ADHFE1: variants seen among roughly 807,000 people sequenced by gnomAD.
The protein encoded by ADHFE1 is hydroxyacid-oxoacid transhydrogenase, mitochondrial.
Under a neutral mutation model 54.8 loss-of-function variants are expected in ADHFE1, and 37 were observed. The ratio of observed to expected loss-of-function variants is 0.68; its 90% confidence interval spans 0.52 to 0.89. The LOEUF (loss-of-function observed/expected upper bound fraction) is 0.89, where lower values mean the gene tolerates loss of function less well. Among genes scored for constraint, ADHFE1 ranks in the 40% least tolerant of loss-of-function variants. The pLI is 0.00. For synonymous variants in ADHFE1, 203 were observed against 229.3 expected, an observed-to-expected ratio of 0.89 and a Z score of 1.04; for missense variants, 601 against 591.2, an observed-to-expected ratio of 1.02 and a Z score of -0.17.
At chr8:66,452,192 T>A in intron 9 of ADHFE1, 87 bp downstream of exon 9, 1 of 1,516,246 alleles carries the variant, frequency 6.6e-7, no homozygotes, top group Non-Finnish European at 8.9e-7. Context: ...GCCTGAAATA[T>A]CCTGAGCAGG....
At chr8:66,459,430 A>ATATAT (rs1191407388) in intron 12 of ADHFE1, 33 of 126,768 alleles carry the variant, frequency 2.6e-4, no homozygotes, top group African/African-American at 8.9e-4. Context: ...ATATATATAT[A>ATATAT]TTTTTTTTTT....
In ADHFE1 at chr8:66,451,976, C is replaced by T; in HGVS notation, c.758C>T (p.Thr253Ile). The T allele has an allele frequency of 6.2e-7, 1 of 1,614,156 alleles. No individual in the cohort carries two copies. The highest frequency in any genetic ancestry group is 8.5e-7 in the Non-Finnish European group (1 of 1,180,028). Residue 253 changes from threonine (T) to isoleucine (I), a missense_variant, in exon 9 of 14, where the codon ACC becomes ATC. Thr to Ile is a moderately conservative substitution (Grantham distance 89, BLOSUM62 -1). Coordinates refer to ENST00000396623, the MANE Select transcript of ADHFE1 (RefSeq NM_144650.3). Reference sequence around the variant, plus strand: ...AGCCATGCCCTGGAGTCATACACCACCCTGCCCTACCACCTGCGGAGCCCC... The same window carrying T: ...AGCCATGCCCTGGAGTCATACACCATCCTGCCCTACCACCTGCGGAGCCCC... ...VLCHALESYT[T>I]LPYHLRSPCP...
chr8:66,435,816 C>T (rs1292651590), intron 1 of ADHFE1, among the ~76,000 whole-genome samples: 3 of 151,682 alleles, frequency 2.0e-5, no homozygotes, highest in Admixed American at 2.0e-4. Flanking sequence ...ACTATGTTGC[C>T]CCAGCTGTTC....
intron 10 of ADHFE1, among the ~76,000 whole-genome samples, chr8:66,454,877 C>A (rs1490725100): frequency 6.6e-6 from 1 of 152,034 alleles, no homozygotes; most frequent in Non-Finnish European, 1.5e-5. Context: ...CCATGCCCAG[C>A]TAATTTTTTT....
Position 66,445,322 on chromosome 8 carries a change from C to T in ADHFE1, c.458C>T (p.Ala153Val), listed in dbSNP as rs761291755. ...ACCTGTAAGGCTGCTAATCTGTATG[C>T]ATCCAGCCCTCATTCTGATTTCCTA... ...MDTCKAANLY[A>V]SSPHSDFLDY... The change falls in exon 6 of 14, where the codon GCA (alanine) becomes GTA (valine). Residue 153 changes from alanine (A) to valine (V), a missense_variant. Transcript: ENST00000396623. 2.5e-6 allele frequency: 4 copies of T among 1,613,960 alleles called. No individual in the cohort carries two copies. The highest frequency in any genetic ancestry group is 2.7e-5 in the African/African-American group (2 of 74,904).
At chr8:66,453,738 A>G (rs1806427264) in intron 9 of ADHFE1, 2 of 1,379,782 alleles carry the variant, frequency 1.4e-6, no homozygotes, top group Non-Finnish European at 1.9e-6. Context: ...CAAATGAAGA[A>G]GAAGAATGAG....
chr8:66,455,768 C>G (rs558062787), intron 10 of ADHFE1, among the ~76,000 whole-genome samples: 1 of 152,138 alleles, frequency 6.6e-6, no homozygotes, highest in African/African-American at 2.4e-5. Context: ...AAAGAAAATA[C>G]AAAAATTAGC....
intron 8 of ADHFE1, among the ~76,000 whole-genome samples, chr8:66,450,431 T>A (rs958936441): frequency 2.0e-5 from 3 of 152,220 alleles, no homozygotes; most frequent in African/African-American, 7.2e-5. Flanking sequence ...CTGAGGAATC[T>A]GCCCATAAGG....
At chr8:66,442,901 G>T (rs1250269950) in intron 3 of ADHFE1, 57 bp downstream of exon 3, 6 of 1,336,358 alleles carry the variant, frequency 4.5e-6, no homozygotes, top group Admixed American at 2.4e-5. Flanking sequence ...AATAAAACTA[G>T]AATATTTTGC....
chr8:66,451,241 C>T (rs985257537), intron 8 of ADHFE1, among the ~76,000 whole-genome samples: 5 of 152,098 alleles, frequency 3.3e-5, no homozygotes, highest in Non-Finnish European at 5.9e-5. Context: ...TCTGAGTTTA[C>T]GGTACATAAG....
At chr8:66,435,960 G>C (rs1427495401) in intron 1 of ADHFE1, among the ~76,000 whole-genome samples, 1 of 147,336 alleles carries the variant, frequency 6.8e-6, no homozygotes, top group Non-Finnish European at 1.5e-5. Flanking sequence ...CTGTCGCCCA[G>C]GCTGGAGTAC....
At chr8:66,455,387 T>C (rs1021336479) in intron 10 of ADHFE1, among the ~76,000 whole-genome samples, 2 of 152,214 alleles carry the variant, frequency 1.3e-5, no homozygotes, top group Non-Finnish European at 2.9e-5. Flanking sequence ...ATTAATCTCT[T>C]TGATTGAAAC....
chr8:66,446,213 T>C (rs1048019476), intron 6 of ADHFE1, among the ~76,000 whole-genome samples: 1 of 152,146 alleles, frequency 6.6e-6, no homozygotes, highest in East Asian at 1.9e-4. Context: ...AGCAGCATAA[T>C]TGGTGTCTGG....
chr8:66,452,646 C>G (rs1806360766), intron 9 of ADHFE1, among the ~76,000 whole-genome samples: 1 of 151,980 alleles, frequency 6.6e-6, no homozygotes, highest in Non-Finnish European at 1.5e-5. Context: ...AGAGCAAGAC[C>G]CTGTCTCAAT....
chr8:66,432,717 C>A (rs1000355968), intron 1 of ADHFE1, 142 bp downstream of exon 1: 1 of 1,232,538 alleles, frequency 8.1e-7, no homozygotes, highest in African/African-American at 1.6e-5. Context: ...GGGCTCCCAC[C>A]GCGCGCCAGG....
chr8:66,440,455 G>A (rs913486945), intron 2 of ADHFE1, among the ~76,000 whole-genome samples: 2 of 151,974 alleles, frequency 1.3e-5, no homozygotes, highest in Middle Eastern at 3.2e-3. Flanking sequence ...TTAATTACTT[G>A]CCAAGTCTAA....
intron 1 of ADHFE1, among the ~76,000 whole-genome samples, chr8:66,437,127 A>G (rs539600823): frequency 5.9e-4 from 90 of 152,296 alleles, no homozygotes; most frequent in African/African-American, 1.5e-3. Flanking sequence ...GGAGAGAGGT[A>G]GAAGTGGGAG....
At position 66,445,281 on chromosome 8, in the gene ADHFE1, T is replaced by A; in HGVS notation, c.417T>A (p.Gly139=). 6.2e-7 allele frequency: 1 copy of A among 1,613,988 alleles called. No homozygotes were observed. The highest frequency in any genetic ancestry group is 8.5e-7 in the Non-Finnish European group (1 of 1,180,008). Residue 139 remains glycine, a synonymous_variant, in exon 6 of 14, where the codon GGT becomes GGA. Coordinates refer to ENST00000396623, the MANE Select transcript of ADHFE1 (RefSeq NM_144650.3). ...TTGATGCCTATGTTGCTGTCGGTGGTGGCTCTACCATGGACACCTGTAAGG... is the reference window on the plus strand; with the variant it reads ...TTGATGCCTATGTTGCTGTCGGTGGAGGCTCTACCATGGACACCTGTAAGG... The part of the protein sequence containing the change: ...GAFDAYVAVG[G]GSTMDTCKAA...
rs749195789 is a variant in ADHFE1 at position 66,452,108 on chromosome 8, A to G, written c.887+3A>G. ...ATCGTGGCTAAGTATCTGAAGAGGT[A>G]TGTCACCCCGAAGGGGATAGAAATA... is the stretch of plus-strand genomic sequence containing the variant. On this transcript the variant is annotated splice_donor_region_variant and intron_variant, in intron 9 of 13. Coordinates refer to ENST00000396623, the MANE Select transcript of ADHFE1 (RefSeq NM_144650.3). The G allele has an allele frequency of 1.2e-6, 2 of 1,613,912 alleles. No homozygotes were observed. Among genetic ancestry groups the G allele is most frequent in the African/African-American group, 2.7e-5 (2 of 75,048 alleles).
Sources: allele counts gnomAD v4.1 joint callset (sites outside exome capture counted in the v4.1 genomes callset), GRCh38; gene constraint gnomAD v4.1.1; transcripts MANE v1.5; gene names NCBI Gene and HGNC (gene_info 2026-07-23, HGNC 2026-07-21).